Variants in NLRP4 observed in about 807,000 individuals in gnomAD.
The protein encoded by NLRP4 is NLR family pyrin domain containing 4, also known as NACHT, LRR and PYD domains-containing protein 4.
In NLRP4, 44 loss-of-function variants were observed where a neutral mutation model predicts 84.7. The observed-to-expected ratio is 0.52, with a 90% CI of 0.41 to 0.67. The LOEUF is 0.67. Among genes scored for constraint, NLRP4 ranks in the 30% least tolerant of loss-of-function variants. The probability of loss-of-function intolerance (pLI) is 0.00; values close to 1 mark genes in which losing one functional copy is unlikely to be tolerated. For missense variants in NLRP4, 1,260 were observed against 1,219.4 expected (o/e 1.03, Z -0.50); for synonymous variants, 544 against 476.4 (o/e 1.14, Z -1.85).
At chr19:55,861,335 G>A in intron 3 of NLRP4, 51 bp from the exon 4 acceptor site, 1 of 1,537,630 alleles carries the variant, frequency 6.5e-7, no homozygotes, top group East Asian at 2.3e-5. Context: ...TGTTACAAGT[G>A]GCTCGTGTTG....
chr19:55,857,498 T>C, intron 2 of NLRP4, 176 bp from the exon 3 acceptor site: 3 of 608,650 alleles, frequency 4.9e-6, no homozygotes, highest in South Asian at 4.1e-5. Flanking sequence ...AATATACCCG[T>C]GAATGGTGTA....
At chr19:55,867,099 A>G (rs1984985138) in intron 5 of NLRP4, among the ~76,000 whole-genome samples, 1 of 150,396 alleles carries the variant, frequency 6.6e-6, no homozygotes, top group South Asian at 2.1e-4. Context: ...AGAGACCATA[A>G]GCCAAGCATG....
intron 5 of NLRP4, among the ~76,000 whole-genome samples, chr19:55,867,310 A>G (rs953226636): frequency 7.3e-5 from 11 of 151,228 alleles, no homozygotes; most frequent in Admixed American, 2.6e-4. Context: ...CCAAGTGTGC[A>G]TGTAACTGAG....
At chr19:55,867,660 G>C in intron 5 of NLRP4, 49 bp from the exon 6 acceptor site, 1 of 1,553,610 alleles carries the variant, frequency 6.4e-7, no homozygotes, top group Non-Finnish European at 8.8e-7. Flanking sequence ...AGAGGAATGA[G>C]TCCAGGAACT....
Position 55,867,757 on chromosome 19 carries a change from C to T in NLRP4, c.2235C>T (p.Gly745=). 1.2e-6 allele frequency: 2 copies of T among 1,613,948 alleles called. No individual in the cohort carries two copies. The highest frequency in any genetic ancestry group is 1.7e-5 in the Admixed American group (1 of 60,024). Residue 745 remains glycine, a synonymous_variant, in exon 6 of 10, where the codon GGC becomes GGT. Transcript: ENST00000301295. ...CCATTGATTGTGAAGTCCTTGCTGGCCTTCTAACCAACAACAAGAAGCTGA... is the reference window on the plus strand; with the variant it reads ...CCATTGATTGTGAAGTCCTTGCTGGTCTTCTAACCAACAACAAGAAGCTGA... ...LSPIDCEVLA[G]LLTNNKKLTY...
intron 9 of NLRP4, among the ~76,000 whole-genome samples, chr19:55,880,290 A>G (rs1029182408): frequency 3.3e-5 from 5 of 152,286 alleles, no homozygotes; most frequent in East Asian, 1.9e-4. Context: ...AATGTTTGCT[A>G]AAGATTCAGA....
chr19:55,866,657 G>T (rs1160223748), intron 5 of NLRP4, among the ~76,000 whole-genome samples: 1 of 152,146 alleles, frequency 6.6e-6, no homozygotes, highest in Admixed American at 6.5e-5. Flanking sequence ...TCTTTGAGGA[G>T]ATATTACTTG....
chr19:55,869,419 C>T (rs1985088478), intron 6 of NLRP4, among the ~76,000 whole-genome samples: 1 of 151,750 alleles, frequency 6.6e-6, no homozygotes, highest in Non-Finnish European at 1.5e-5. Context: ...TCCACAAATG[C>T]CTGGATATGC....
chr19:55,853,775 CTCTT>C (rs1488588615), intron 2 of NLRP4, among the ~76,000 whole-genome samples: 7 of 150,774 alleles, frequency 4.6e-5, no homozygotes, highest in Admixed American at 6.6e-5. Flanking sequence ...CTCTCTCTCT[CTCTT>C]TCTGTCTCTC....
chr19:55,863,361 T>G (rs925713875), intron 5 of NLRP4, among the ~76,000 whole-genome samples: 9 of 152,192 alleles, frequency 5.9e-5, no homozygotes, highest in Non-Finnish European at 1.2e-4. Flanking sequence ...AATTGGCTTA[T>G]GGTTCTGAAG....
At chr19:55,868,563 C>T (rs1032365086) in intron 6 of NLRP4, among the ~76,000 whole-genome samples, 4 of 147,390 alleles carry the variant, frequency 2.7e-5, no homozygotes, top group African/African-American at 1.0e-4. Flanking sequence ...AGTGCAGTGG[C>T]ATGATCTTGG....
intron 5 of NLRP4, among the ~76,000 whole-genome samples, chr19:55,866,242 C>T (rs1215140980): frequency 6.6e-6 from 1 of 152,160 alleles, no homozygotes; most frequent in Non-Finnish European, 1.5e-5. Context: ...CCATGCTGGT[C>T]AGGATGGCCT....
chr19:55,850,484 A>G (rs1188394296), intron 1 of NLRP4, among the ~76,000 whole-genome samples: 1 of 61,202 alleles, frequency 1.6e-5, no homozygotes, highest in Non-Finnish European at 2.8e-5. Context: ...GCTGCGGTGT[A>G]ATTTCCGAGG....
At position 55,879,616 on chromosome 19, in the gene NLRP4, C is replaced by G. The variant is rs550025937; in HGVS notation, c.2867+652C>G. On this transcript the variant is annotated intron_variant, in intron 9 of 9. Coordinates refer to ENST00000301295, the MANE Select transcript of NLRP4 (RefSeq NM_134444.5). ...TGCTTCCATGGTGAACAGGCCTGGC[C>G]CCCAGGTAGCTCTTTTCACTGGCGC... Among the ~76,000 whole-genome samples the G allele has an allele frequency of 1.9e-4, 29 of 152,288 alleles. No homozygotes were observed. In the South Asian group the frequency reaches 5.6e-3, roughly 29 times the overall value.
chr19:55,844,671 T>C (rs1983726011), intron 1 of NLRP4, among the ~76,000 whole-genome samples: 4 of 152,172 alleles, frequency 2.6e-5, no homozygotes, highest in Admixed American at 2.6e-4. Flanking sequence ...GTACAGCTAA[T>C]TGCATCTGCA....
intron 5 of NLRP4, among the ~76,000 whole-genome samples, chr19:55,865,188 TC>T (rs1264710474): frequency 6.6e-6 from 1 of 152,210 alleles, no homozygotes; most frequent in Non-Finnish European, 1.5e-5. Flanking sequence ...TTTCTTCATG[TC>T]TATATGTACT....
chr19:55,863,983 A>G (rs1456930202), intron 5 of NLRP4, among the ~76,000 whole-genome samples: 5 of 152,202 alleles, frequency 3.3e-5, no homozygotes, highest in African/African-American at 1.2e-4. Flanking sequence ...GAACACAAAA[A>G]GACCCAAACC....
chr19:55,842,121 G>C (rs757783363), intron 1 of NLRP4, among the ~76,000 whole-genome samples: 1 of 152,096 alleles, frequency 6.6e-6, no homozygotes, highest in Non-Finnish European at 1.5e-5. Context: ...CCATTCTAAC[G>C]GGGTGAGTTA....
intron 1 of NLRP4, among the ~76,000 whole-genome samples, chr19:55,851,688 G>T (rs367661102): frequency 0.061 from 3,718 of 61,286 alleles, 115 homozygotes; most frequent in African/African-American, 0.15. Flanking sequence ...GCGGTGTAAT[G>T]TCCGAGGCTG....
Sources: allele counts gnomAD v4.1 joint callset (sites outside exome capture counted in the v4.1 genomes callset), GRCh38; gene constraint gnomAD v4.1.1; transcripts MANE v1.5; gene names NCBI Gene and HGNC (gene_info 2026-07-23, HGNC 2026-07-21).